Variants in KCTD3 observed in about 807,000 individuals in gnomAD.
The protein encoded by KCTD3 is potassium channel tetramerization domain containing 3.
Under a neutral mutation model 85.8 loss-of-function variants are expected in KCTD3, and 41 were observed. That is an observed-to-expected ratio of 0.48 (90% CI 0.37 to 0.62). The LOEUF (loss-of-function observed/expected upper bound fraction) is 0.62, where lower values mean the gene tolerates loss of function less well. Among genes scored for constraint, KCTD3 ranks in the 20% least tolerant of loss-of-function variants. The probability of loss-of-function intolerance (pLI) is 0.00; values close to 1 mark genes in which losing one functional copy is unlikely to be tolerated. For synonymous variants in KCTD3, 338 were observed against 345.4 expected (o/e 0.98, Z 0.24); for missense variants, 724 against 989.9 (o/e 0.73, Z 3.60).
intron 9 of KCTD3, among the ~76,000 whole-genome samples, chr1:215,588,865 G>C (rs768084321): frequency 1.1e-4 from 16 of 152,138 alleles, no homozygotes; most frequent in Non-Finnish European, 1.9e-4. Context: ...CAAATCTTTA[G>C]ATTGAAGAGT....
rs1655246906 is a variant in KCTD3 at position 215,611,859 on chromosome 1, T to C, written c.1500T>C (p.Phe500=). ...GAGAGCGAGACGATCAACAGGTGTT[T>C]ATCCAGAAAGTTGTTCCCATCACCA... ...PFGERDDQQV[F]IQKVVPITNK... The change falls in exon 15 of 18, where the codon TTT becomes TTC. Residue 500 remains phenylalanine (F), a synonymous_variant. Coordinates refer to ENST00000259154, the MANE Select transcript of KCTD3 (RefSeq NM_016121.5). The C allele has an allele frequency of 2.5e-6, 4 of 1,608,884 alleles. No homozygotes were observed. Among genetic ancestry groups the C allele is most frequent in the East Asian group, 2.2e-5 (1 of 44,804 alleles).
chr1:215,569,677 G>T (rs1571867238), intron 1 of KCTD3, among the ~76,000 whole-genome samples: 1 of 148,970 alleles, frequency 6.7e-6, no homozygotes, highest in Non-Finnish European at 1.5e-5. Context: ...CTCACTGCAA[G>T]CTCCGCCTCC....
chr1:215,605,594 A>C (rs1315821707), intron 13 of KCTD3, among the ~76,000 whole-genome samples: 1 of 152,120 alleles, frequency 6.6e-6, no homozygotes, highest in African/African-American at 2.4e-5. Flanking sequence ...AACCCTGTAT[A>C]TCCAGTGTCT....
intron 1 of KCTD3, among the ~76,000 whole-genome samples, chr1:215,568,552 T>C (rs572016685): frequency 1.4e-4 from 20 of 141,798 alleles, no homozygotes; most frequent in African/African-American, 5.0e-4. Flanking sequence ...TCGTAGTTTT[T>C]GTGGATTTCC....
intron 14 of KCTD3, 129 bp from the exon 15 acceptor site, chr1:215,611,696 G>A: frequency 1.7e-6 from 1 of 571,888 alleles, no homozygotes; most frequent in Non-Finnish European, 3.1e-6. Context: ...CTGATGTTGA[G>A]CTGAAATGTG....
intron 11 of KCTD3, 56 bp downstream of exon 11, chr1:215,602,010 C>A: frequency 1.4e-6 from 2 of 1,403,476 alleles, no homozygotes; most frequent in Non-Finnish European, 1.0e-6. Flanking sequence ...TAAATGAGAA[C>A]AAGAAAACAT....
At chr1:215,616,204 C>A (rs913443220) in intron 15 of KCTD3, among the ~76,000 whole-genome samples, 2 of 152,120 alleles carry the variant, frequency 1.3e-5, no homozygotes, top group Non-Finnish European at 2.9e-5. Context: ...CATATGCATA[C>A]AAATGTTGAT....
chr1:215,598,551 A>G (rs1306984604), intron 10 of KCTD3, among the ~76,000 whole-genome samples: 1 of 152,196 alleles, frequency 6.6e-6, no homozygotes, highest in Admixed American at 6.5e-5. Context: ...CTTCACATGG[A>G]AACAAATAAC....
rs1330061274 is a variant in KCTD3 at position 215,620,112 on chromosome 1, A to G, written c.1942A>G (p.Arg648Gly). The G allele has an allele frequency of 1.9e-6, 3 of 1,612,924 alleles. No individual in the cohort carries two copies. Among genetic ancestry groups the G allele is most frequent in the Non-Finnish European group, 2.5e-6 (3 of 1,179,550 alleles). The change falls in exon 18 of 18, where the codon AGG (arginine) becomes GGG (glycine). Residue 648 changes from arginine (R) to glycine (G), a missense_variant. This residue lies in a region of KCTD3 where 222 missense variants were observed against 217.7 expected (regional missense o/e 1.02). Coordinates refer to ENST00000259154, the MANE Select transcript of KCTD3 (RefSeq NM_016121.5). ...TGAAGCAGCTACTTACGGTTCCATG[A>G]GGCCTTACAGAGAAAGTCCTTTATT... ...THEAATYGSMRPYRESPLLAR... is the reference protein window; with the variant it reads ...THEAATYGSMGPYRESPLLAR...
At chr1:215,588,191 T>C (rs892149801) in intron 9 of KCTD3, among the ~76,000 whole-genome samples, 13 of 152,108 alleles carry the variant, frequency 8.5e-5, no homozygotes, top group African/African-American at 3.1e-4. Flanking sequence ...CAAATTAAAA[T>C]GGTACTTAAT....
In KCTD3 at chr1:215,604,321, A is replaced by C; in HGVS notation, c.1309+19A>C. ...GTATCAGGTAAAATGATTTCATTAT[A>C]CTGGTAAGGAACTTGGCTCTGTGTG... is the stretch of plus-strand genomic sequence containing the variant. On this transcript the variant is annotated intron_variant, in intron 13 of 17. Transcript: ENST00000259154. The C allele has an allele frequency of 6.3e-7, 1 of 1,593,808 alleles. No homozygotes were observed. Among genetic ancestry groups the C allele is most frequent in the Non-Finnish European group, 8.6e-7 (1 of 1,162,934 alleles).
Position 215,608,118 on chromosome 1 carries a change from C to A in KCTD3, c.1411C>A (p.Leu471Ile), listed in dbSNP as rs754329940. 17 of 1,612,036 alleles carry A rather than the reference C, an allele frequency of 1.1e-5. No homozygotes were observed. In the South Asian group the frequency reaches 1.9e-4, roughly 18 times the overall value. The change falls in exon 14 of 18, where the codon CTA (leucine) becomes ATA (isoleucine). Residue 471 changes from leucine (L) to isoleucine (I), a missense_variant. By Grantham distance (5) the Leu-to-Ile change is conservative. Coordinates refer to ENST00000259154, the MANE Select transcript of KCTD3 (RefSeq NM_016121.5). ...GSTPLASFKI[L>I]SLEETESHGS... ...TACTCCTTTAGCGTCATTCAAGATA[C>A]TATCCCTGGAGGAGACAGAAAGTCA... is the stretch of plus-strand genomic sequence containing the variant.
chr1:215,581,472 A>G (rs942893853), intron 8 of KCTD3, among the ~76,000 whole-genome samples: 38 of 152,276 alleles, frequency 2.5e-4, no homozygotes, highest in African/African-American at 8.7e-4. Context: ...TATTATGTAC[A>G]TATTTTTGTC....
chr1:215,567,420 G>A lies in KCTD3; in HGVS notation c.-266G>A, dbSNP rs1049937647. The A allele has an allele frequency of 3.6e-5, 8 of 223,196 alleles. No individual in the cohort carries two copies. Among genetic ancestry groups the A allele is most frequent in the African/African-American group, 1.4e-4 (6 of 43,570 alleles). The allele number at this position is 223,196 out of a possible 1,614,324, so 13.8% of individuals were successfully genotyped here. Reference sequence around the variant, plus strand: ...GGTGGCAGCGGAGCACGGAGAAGAGGCCCGGGCGGCCCGGCGGCCTGGAGG... The same window carrying A: ...GGTGGCAGCGGAGCACGGAGAAGAGACCCGGGCGGCCCGGCGGCCTGGAGG... On this transcript the variant is annotated 5_prime_UTR_variant, in exon 1 of 18. Transcript: ENST00000259154.
chr1:215,608,578 C>T (rs112877821), intron 14 of KCTD3, among the ~76,000 whole-genome samples: 4 of 151,956 alleles, frequency 2.6e-5, no homozygotes, highest in South Asian at 2.1e-4. Context: ...TTGATGACAT[C>T]GTAATATTCA....
Position 215,620,817 on chromosome 1 carries a change from T to G in KCTD3, c.*199T>G. 1 of 507,476 alleles carries G rather than the reference T, an allele frequency of 2.0e-6. No individual in the cohort carries two copies. Among genetic ancestry groups the G allele is most frequent in the Admixed American group, 3.8e-5 (1 of 26,610 alleles). The allele number at this position is 507,476 out of a possible 1,614,324, so 31.4% of individuals were successfully genotyped here. ...GACATTTTGGAAATTTTTTTAATTT[T>G]ACAAGTACATTTAACAGATCATTTA... On this transcript the variant is annotated 3_prime_UTR_variant, in exon 18 of 18. Transcript: ENST00000259154.
chr1:215,572,096 T>A (rs1344366453), intron 1 of KCTD3, among the ~76,000 whole-genome samples: 1 of 152,240 alleles, frequency 6.6e-6, no homozygotes, highest in African/African-American at 2.4e-5. Flanking sequence ...TAGTGACATC[T>A]GTGTGTCAAC....
Position 215,582,864 on chromosome 1 carries a change from GT to G in KCTD3, c.626+2867del, listed in dbSNP as rs774748365. Among the ~76,000 whole-genome samples the G allele has an allele frequency of 5.7e-4, 87 of 152,188 alleles. 1 individual carries two copies. Among genetic ancestry groups the G allele is most frequent in the Middle Eastern group, 3.4e-3 (1 of 292 alleles). ...GGCGTGAGCCACTGTGCCTGGCCTT[GT>G]TCTACATATTTTAAATGTATTACTT... On this transcript the variant is annotated intron_variant, in intron 8 of 17. Coordinates refer to ENST00000259154, the MANE Select transcript of KCTD3 (RefSeq NM_016121.5).
intron 13 of KCTD3, among the ~76,000 whole-genome samples, chr1:215,607,217 T>G (rs1020262531): frequency 6.6e-6 from 1 of 152,010 alleles, no homozygotes; most frequent in African/African-American, 2.4e-5. Context: ...TAATATTTAC[T>G]GATGAGTTCA....
Sources: allele counts gnomAD v4.1 joint callset (sites outside exome capture counted in the v4.1 genomes callset), GRCh38; gene constraint gnomAD v4.1.1; regional missense constraint gnomAD v4.1.1; transcripts MANE v1.5; gene names NCBI Gene and HGNC (gene_info 2026-07-23, HGNC 2026-07-21).